The following PRKCA variants were observed in gnomAD, a reference collection of about 807,000 sequenced individuals.
PRKCA encodes the protein protein kinase C alpha, also known as protein kinase C alpha type.
In PRKCA, 27 loss-of-function variants were observed where a neutral mutation model predicts 87.0. That is an observed-to-expected ratio of 0.31 (90% CI 0.23 to 0.43). The LOEUF is 0.43. Among genes scored for constraint, PRKCA ranks in the 20% least tolerant of loss-of-function variants. The pLI is 1.00. For missense variants in PRKCA, 518 were observed against 852.3 expected, an observed-to-expected ratio of 0.61 and a Z score of 4.88; for synonymous variants, 329 against 311.1, an observed-to-expected ratio of 1.06 and a Z score of -0.61.
At chr17:66,566,480 G>GTTTTTTTTTT (rs56912157) in intron 3 of PRKCA, among the ~76,000 whole-genome samples, 12 of 97,006 alleles carry the variant, frequency 1.2e-4, no homozygotes, top group Non-Finnish European at 1.8e-4. Context: ...TTGTTTTTTG[G>GTTTTTTTTTT]TTTTTTTTTT....
intron 2 of PRKCA, among the ~76,000 whole-genome samples, chr17:66,440,730 G>A (rs982486281): frequency 2.0e-5 from 3 of 152,110 alleles, no homozygotes; most frequent in African/African-American, 7.2e-5. Context: ...CAAGATCCCA[G>A]CACTTAAAAG....
intron 2 of PRKCA, among the ~76,000 whole-genome samples, chr17:66,488,975 C>T (rs1916101599): frequency 6.6e-6 from 1 of 152,136 alleles, no homozygotes; most frequent in Non-Finnish European, 1.5e-5. Context: ...AAGCGGTTGA[C>T]TTGCCTTAGA....
chr17:66,617,827 G>T (rs1209723485), intron 3 of PRKCA, among the ~76,000 whole-genome samples: 1 of 152,090 alleles, frequency 6.6e-6, no homozygotes, highest in Non-Finnish European at 1.5e-5. Context: ...AACTTCTTAT[G>T]TTACAATGAG....
At chr17:66,710,193 A>C (rs1389702308) in intron 8 of PRKCA, among the ~76,000 whole-genome samples, 1 of 151,924 alleles carries the variant, frequency 6.6e-6, no homozygotes, top group Non-Finnish European at 1.5e-5. Flanking sequence ...CCAAGGGTCA[A>C]ATGAGACCTG....
At chr17:66,422,796 A>G (rs945922783) in intron 2 of PRKCA, among the ~76,000 whole-genome samples, 1 of 152,210 alleles carries the variant, frequency 6.6e-6, no homozygotes, top group Non-Finnish European at 1.5e-5. Flanking sequence ...CCACAGGTAG[A>G]TAGTGCTCTC....
At chr17:66,655,569 T>A (rs181943021) in intron 5 of PRKCA, among the ~76,000 whole-genome samples, 1 of 152,246 alleles carries the variant, frequency 6.6e-6, no homozygotes, top group African/African-American at 2.4e-5. Flanking sequence ...ACATGTATTA[T>A]GAGATTTCAC....
chr17:66,554,113 G>A (rs1465516233), intron 3 of PRKCA, among the ~76,000 whole-genome samples: 3 of 152,258 alleles, frequency 2.0e-5, no homozygotes, highest in Admixed American at 1.3e-4. Context: ...GCCTGCCAGG[G>A]CAGAGTTAAG....
chr17:66,804,003 A>T lies in PRKCA; in HGVS notation c.1985A>T (p.Gln662Leu). The T allele has an allele frequency of 6.2e-7, 1 of 1,613,774 alleles. No individual in the cohort carries two copies. The highest frequency in any genetic ancestry group is 8.5e-7 in the Non-Finnish European group (1 of 1,179,838). ...GAAGGGTTCTCGTATGTCAACCCCC[A>T]GTTTGTGCACCCCATCTTACAGAGT... ...DFEGFSYVNPQFVHPILQSAV is the reference protein window; with the variant it reads ...DFEGFSYVNPLFVHPILQSAV The change falls in exon 17 of 17, where the codon CAG becomes CTG. Residue 662 changes from glutamine (Q) to leucine (L), a missense_variant. By Grantham distance (113) the Gln-to-Leu change is moderately radical. Transcript: ENST00000413366.
intron 3 of PRKCA, among the ~76,000 whole-genome samples, chr17:66,497,487 A>G (rs1916527199): frequency 6.6e-6 from 1 of 150,412 alleles, no homozygotes; most frequent in Non-Finnish European, 1.5e-5. Context: ...CAAGAGCAAA[A>G]CTCCGTCTCA....
chr17:66,582,358 C>A lies in PRKCA; in HGVS notation c.289-58997C>A, dbSNP rs1478663217. On this transcript the variant is annotated intron_variant, in intron 3 of 16. Transcript: ENST00000413366. Reference sequence around the variant, plus strand: ...ATTTGATATAGTGTGGCTGTGTCCCCACCCAAATCTCACCTTGAATTGTAA... The same window carrying A: ...ATTTGATATAGTGTGGCTGTGTCCCAACCCAAATCTCACCTTGAATTGTAA... 3.3e-5 allele frequency among the ~76,000 whole-genome samples: 5 copies of A among 152,282 alleles called. No homozygotes were observed. In the East Asian group the frequency reaches 9.7e-4, roughly 29 times the overall value.
chr17:66,732,555 C>A, intron 8 of PRKCA, 133 bp from the exon 9 acceptor site: 1 of 1,106,774 alleles, frequency 9.0e-7, no homozygotes, highest in Non-Finnish European at 1.3e-6. Context: ...GTACTCAATT[C>A]TCACCCTTTG....
intron 2 of PRKCA, among the ~76,000 whole-genome samples, chr17:66,474,419 C>G (rs1018557678): frequency 6.6e-6 from 1 of 152,184 alleles, no homozygotes; most frequent in African/African-American, 2.4e-5. Flanking sequence ...GAGGAGTCAG[C>G]CTAGCTGGAA....
At chr17:66,368,890 C>G (rs1483295427) in intron 2 of PRKCA, among the ~76,000 whole-genome samples, 1 of 152,196 alleles carries the variant, frequency 6.6e-6, no homozygotes, top group Non-Finnish European at 1.5e-5. Flanking sequence ...GCTCCCTGGC[C>G]TGGCCCAAAT....
intron 5 of PRKCA, among the ~76,000 whole-genome samples, chr17:66,649,435 T>C (rs1313463503): frequency 2.0e-5 from 3 of 152,248 alleles, no homozygotes; most frequent in Non-Finnish European, 4.4e-5. Context: ...TATTCATTGC[T>C]TCATTGACTC....
Position 66,336,696 on chromosome 17 carries a change from T to C in PRKCA, c.205+30569T>C, listed in dbSNP as rs111597311. 7.6e-3 allele frequency among the ~76,000 whole-genome samples: 1,158 copies of C among 152,236 alleles called. 16 individuals carry two copies. Among genetic ancestry groups the C allele is most frequent in the African/African-American group, 0.026 (1,092 of 41,510 alleles). On this transcript the variant is annotated intron_variant, in intron 2 of 16. Coordinates refer to ENST00000413366, the MANE Select transcript of PRKCA (RefSeq NM_002737.3). ...AATTATTAAACATTTGCTATTCATA[T>C]ATAATGTTTTACCCTTCTCTGGTTA... is the stretch of plus-strand genomic sequence containing the variant.
rs186480611 is a variant in PRKCA at position 66,726,277 on chromosome 17, C to T, written c.919-6411C>T. Reference sequence around the variant, plus strand: ...GTGCAGGACAGAAAGCTCAGGTGTTCGCAGGTGTGCAGGACAGAAAGCTCA... The same window carrying T: ...GTGCAGGACAGAAAGCTCAGGTGTTTGCAGGTGTGCAGGACAGAAAGCTCA... On this transcript the variant is annotated intron_variant, in intron 8 of 16. Transcript: ENST00000413366. Among the ~76,000 whole-genome samples, 256 of 151,906 alleles carry T rather than the reference C, an allele frequency of 1.7e-3. 2 individuals are homozygous for T. Among genetic ancestry groups the T allele is most frequent in the African/African-American group, 6.0e-3 (248 of 41,420 alleles).
intron 3 of PRKCA, among the ~76,000 whole-genome samples, chr17:66,640,431 T>C (rs1971258900): frequency 6.6e-6 from 1 of 152,252 alleles, no homozygotes; most frequent in Admixed American, 6.5e-5. Context: ...GAGAAGGTAA[T>C]GAAATTGCAG....
At chr17:66,408,527 G>A (rs547957475) in intron 2 of PRKCA, among the ~76,000 whole-genome samples, 3 of 152,312 alleles carry the variant, frequency 2.0e-5, no homozygotes, top group Non-Finnish European at 2.9e-5. Flanking sequence ...ATATGTTTGC[G>A]TGTGCTTGTC....
chr17:66,619,545 G>T (rs1365832014), intron 3 of PRKCA, among the ~76,000 whole-genome samples: 1 of 152,178 alleles, frequency 6.6e-6, no homozygotes, highest in Non-Finnish European at 1.5e-5. Flanking sequence ...CATTAAGGCT[G>T]GTTTGTATAT....
Sources: gnomAD v4.1 joint callset for allele counts (sites outside exome capture counted in the v4.1 genomes callset) on GRCh38, gnomAD v4.1.1 for gene constraint, MANE v1.5 for transcripts, NCBI Gene and HGNC (gene_info 2026-07-23, HGNC 2026-07-21) for gene names.